Variants in COL5A1 observed in about 807,000 individuals in gnomAD.
The protein encoded by COL5A1 is collagen alpha-1(V) chain.
COL5A1 carries 16 observed loss-of-function variants against 263.7 expected under a neutral mutation model. The ratio of observed to expected loss-of-function variants is 0.06; its 90% confidence interval spans 0.04 to 0.09. The LOEUF is 0.09. COL5A1 is among the 10% of genes least tolerant of loss of function. The probability of loss-of-function intolerance (pLI) is 1.00; values close to 1 mark genes in which losing one functional copy is unlikely to be tolerated. For synonymous variants in COL5A1, 1,012 were observed against 1,004.5 expected (o/e 1.01, Z -0.14); for missense variants, 2,036 against 2,540.5 (o/e 0.80, Z 4.27).
intron 4 of COL5A1, among the ~76,000 whole-genome samples, chr9:134,722,358 A>G (rs1240752276): frequency 6.6e-6 from 1 of 152,174 alleles, no homozygotes; most frequent in Non-Finnish European, 1.5e-5. Flanking sequence ...TTCGTTACCT[A>G]GCCTTGGGCC....
chr9:134,678,229 T>C lies in COL5A1; in HGVS notation c.110-12683T>C, dbSNP rs1832735572. Among the ~76,000 whole-genome samples, 1 of 152,178 alleles carries C rather than the reference T, an allele frequency of 6.6e-6. No homozygotes were observed. Among genetic ancestry groups the C allele is most frequent in the Non-Finnish European group, 1.5e-5 (1 of 68,026 alleles). ...CTGGTGGTCTGTGGCTCTGAAGCCA[T>C]GGGCAGCTTGCTCTACCTCTCTCAC... On this transcript the variant is annotated intron_variant, in intron 1 of 65. Transcript: ENST00000371817. This position sits in a 1 kb window ranked among gnomAD's most constrained non-coding sequence, Gnocchi z 5.5.
Position 134,686,814 on chromosome 9 carries a change from G to A in COL5A1, c.110-4098G>A, listed in dbSNP as rs190859118. On this transcript the variant is annotated intron_variant, in intron 1 of 65. Transcript: ENST00000371817. The surrounding 1 kb of genome is among the most constrained non-coding windows in gnomAD (Gnocchi z 4.6). ...GATGCCTGACCCCTAGGTGCTGGGGGTAAACACTTCTTGTAGTTTAAAGAT... is the reference window on the plus strand; with the variant it reads ...GATGCCTGACCCCTAGGTGCTGGGGATAAACACTTCTTGTAGTTTAAAGAT... Among the ~76,000 whole-genome samples, 8 of 152,280 alleles carry A rather than the reference G, an allele frequency of 5.3e-5. No homozygotes were observed. In the East Asian group the frequency reaches 1.5e-3, roughly 29 times the overall value.
intron 38 of COL5A1, among the ~76,000 whole-genome samples, chr9:134,802,470 C>T (rs1015411926): frequency 2.6e-5 from 4 of 152,356 alleles, no homozygotes; most frequent in East Asian, 1.9e-4. Context: ...TCCTAGAAAG[C>T]GCACACCTCA....
chr9:134,708,916 G>A (rs1833938103), intron 4 of COL5A1: 1 of 456,678 alleles, frequency 2.2e-6, no homozygotes, highest in African/African-American at 2.0e-5. Flanking sequence ...ACACTCCTTG[G>A]CTTGTGGCCA....
chr9:134,732,190 G>A (rs1270609858), intron 9 of COL5A1, 63 bp downstream of exon 9: 11 of 1,566,528 alleles, frequency 7.0e-6, no homozygotes, highest in African/African-American at 1.4e-5. Flanking sequence ...TCACAGCGGG[G>A]TGTGTAGGGT....
At position 134,642,682 on chromosome 9, in the gene COL5A1, C is replaced by G. The variant is rs1191824030; in HGVS notation, c.109+386C>G. ...GCCCTACAGCAGAACTTCCTCTGCT[C>G]CAAACCGGGCAGGGCCGCCCCCTAG... On this transcript the variant is annotated intron_variant, in intron 1 of 65. Transcript: ENST00000371817. This position sits in a 1 kb window ranked among gnomAD's most constrained non-coding sequence, Gnocchi z 4.5. Among the ~76,000 whole-genome samples the G allele has an allele frequency of 6.6e-6, 1 of 152,234 alleles. No homozygotes were observed. The highest frequency in any genetic ancestry group is 1.5e-5 in the Non-Finnish European group (1 of 68,032).
chr9:134,738,378 C>T, intron 9 of COL5A1, 96 bp from the exon 10 acceptor site: 2 of 1,398,274 alleles, frequency 1.4e-6, no homozygotes, highest in South Asian at 2.3e-5. Flanking sequence ...GCCAGGGCCT[C>T]TTGTGCATGC....
In COL5A1 at chr9:134,731,503, C is replaced by T. The variant is rs373102877; in HGVS notation, c.1172C>T (p.Pro391Leu). The change falls in exon 8 of 66, where the codon CCG becomes CTG. Residue 391 changes from proline (P) to leucine (L), a missense_variant. Physicochemically the swap from Pro to Leu is moderately conservative, Grantham distance 98. Transcript: ENST00000371817. ...CTTCCTCTCCCTCTGCAGCCAGCTCCGCCTCCAGGGGAAGGTGCGGATGAC... is the reference window on the plus strand; with the variant it reads ...CTTCCTCTCCCTCTGCAGCCAGCTCTGCCTCCAGGGGAAGGTGCGGATGAC... The part of the protein sequence containing the change: ...ADTSNSSNPA[P>L]PPGEGADDLE... 17 of 1,614,040 alleles carry T rather than the reference C, an allele frequency of 1.1e-5. No homozygotes were observed. The highest frequency in any genetic ancestry group is 3.3e-5 in the South Asian group (3 of 91,072).
At chr9:134,727,150 T>C in intron 4 of COL5A1, 116 bp from the exon 5 acceptor site, 1 of 1,090,222 alleles carries the variant, frequency 9.2e-7, no homozygotes. Flanking sequence ...GAGGACAAGC[T>C]CGTCTTGTGG....
intron 52 of COL5A1, among the ~76,000 whole-genome samples, 167 bp downstream of exon 52, chr9:134,816,155 T>A (rs1202110547): frequency 6.6e-6 from 1 of 152,228 alleles, no homozygotes; most frequent in Non-Finnish European, 1.5e-5. Context: ...GTTGATTCCC[T>A]TATGATATTG....
chr9:134,665,683 C>T (rs1000413583), intron 1 of COL5A1, among the ~76,000 whole-genome samples: 2 of 152,160 alleles, frequency 1.3e-5, no homozygotes, highest in African/African-American at 4.8e-5. Flanking sequence ...CAACACAGAG[C>T]AGGGACAGGG....
chr9:134,753,766 G>GCCCCCCCCCAGCCCC, intron 14 of COL5A1, 84 bp from the exon 15 acceptor site: 1 of 615,308 alleles, frequency 1.6e-6, no homozygotes, highest in African/African-American at 2.0e-5. Context: ...CCCTCCCCCT[G>GCCCCCCCCCAGCCCC]CCCCTCCCCT....
At chr9:134,645,800 G>A (rs545586961) in intron 1 of COL5A1, among the ~76,000 whole-genome samples, 101 of 152,282 alleles carry the variant, frequency 6.6e-4, no homozygotes, top group African/African-American at 2.3e-3. Flanking sequence ...CTTCCCATCG[G>A]TTTATCAGCT....
chr9:134,699,636 T>A (rs1021836915), intron 2 of COL5A1, among the ~76,000 whole-genome samples: 1 of 151,920 alleles, frequency 6.6e-6, no homozygotes, highest in African/African-American at 2.4e-5. Flanking sequence ...GAGGGCAGGG[T>A]GTTGAGGGCT....
At chr9:134,707,176 TGCCCCGGGGGACA>T (rs1833864847) in intron 4 of COL5A1, among the ~76,000 whole-genome samples, 1 of 152,144 alleles carries the variant, frequency 6.6e-6, no homozygotes, top group African/African-American at 2.4e-5. Flanking sequence ...GGATGAGAAC[TGCCCCGGGGGACA>T]GCCGGCCAGC....
intron 4 of COL5A1, among the ~76,000 whole-genome samples, chr9:134,725,316 A>C (rs1047030182): frequency 6.6e-6 from 1 of 152,098 alleles, no homozygotes; most frequent in African/African-American, 2.4e-5. Context: ...GTCGGACACA[A>C]TTCATAGGGT....
At chr9:134,646,887 G>C (rs539074607) in intron 1 of COL5A1, among the ~76,000 whole-genome samples, 163 of 152,326 alleles carry the variant, frequency 1.1e-3, no homozygotes, top group African/African-American at 3.6e-3. Context: ...GGGGCTGTCG[G>C]ATGGGCTGGG....
In COL5A1 at chr9:134,842,407, C is replaced by T; in HGVS notation, c.*104C>T. The T allele has an allele frequency of 7.3e-7, 1 of 1,369,692 alleles. No homozygotes were observed. Among genetic ancestry groups the T allele is most frequent in the African/African-American group, 1.4e-5 (1 of 70,228 alleles). 84.8% of individuals were successfully genotyped at this position (1,369,692 alleles called of 1,614,324 possible). On this transcript the variant is annotated 3_prime_UTR_variant, in exon 66 of 66. Transcript: ENST00000371817. The surrounding 1 kb of genome is among the most constrained non-coding windows in gnomAD (Gnocchi z 5.8). ...CTGACCCTGGACAGTGAAGGCTTCT[C>T]CCTCCCCTCCCACCTGACTTCATCT...
intron 11 of COL5A1, among the ~76,000 whole-genome samples, chr9:134,749,277 C>T (rs1387050463): frequency 1.3e-5 from 2 of 152,212 alleles, no homozygotes; most frequent in Non-Finnish European, 2.9e-5. Flanking sequence ...CACACAGCCT[C>T]ATAGTGATGA....
Sources: allele counts gnomAD v4.1 joint callset (sites outside exome capture counted in the v4.1 genomes callset), GRCh38; gene constraint gnomAD v4.1.1; non-coding constraint Gnocchi (gnomAD v3.1); transcripts MANE v1.5; gene names NCBI Gene and HGNC (gene_info 2026-07-23, HGNC 2026-07-21).